The following CYP4F2 variants were observed in gnomAD, a reference collection of about 807,000 sequenced individuals.
CYP4F2 encodes cytochrome P450 family 4 subfamily F member 2, also known as cytochrome P450 4F2.
A neutral mutation model predicts 58.9 loss-of-function variants in CYP4F2; 58 were observed. That is an observed-to-expected ratio of 0.98 (90% CI 0.80 to 1.23). The LOEUF (loss-of-function observed/expected upper bound fraction) is 1.23. CYP4F2 is among the 50% of genes most tolerant of loss of function. The pLI, the probability that CYP4F2 is intolerant of heterozygous loss-of-function variation, is 0.00. For missense variants in CYP4F2, 616 were observed against 685.6 expected, an observed-to-expected ratio of 0.90 and a Z score of 1.13; for synonymous variants, 287 against 261.1, an observed-to-expected ratio of 1.10 and a Z score of -0.95.
At position 15,889,517 on chromosome 19, in the gene CYP4F2, C is replaced by T. The variant is rs764645682; in HGVS notation, c.824G>A (p.Arg275His). ...AACACCCTGGCTAGGGAGAGTGCGGCGCCGCTCCTGGATGACGGCATCTGT... is the reference window on the plus strand; with the variant it reads ...AACACCCTGGCTAGGGAGAGTGCGGTGCCGCTCCTGGATGACGGCATCTGT... Reference protein sequence around the residue: ...DFTDAVIQERRRTLPSQGVDD... With the variant: ...DFTDAVIQERHRTLPSQGVDD... The change falls in exon 7 of 13, where the codon CGC becomes CAC. Residue 275 changes from arginine to histidine, a missense_variant. By Grantham distance (29) the Arg-to-His change is conservative. Transcript: ENST00000221700. 1.4e-5 allele frequency: 22 copies of T among 1,614,080 alleles called. No individual in the cohort carries two copies. The highest frequency in any genetic ancestry group is 4.4e-5 in the South Asian group (4 of 91,090).
rs147970694 is a variant in CYP4F2, at chr19:15,896,830, G to A, written c.198+584C>T. 4.5e-3 allele frequency among the ~76,000 whole-genome samples: 683 copies of A among 152,332 alleles called. 5 individuals carry two copies. Among genetic ancestry groups the A allele is most frequent in the African/African-American group, 0.016 (646 of 41,580 alleles). Reference sequence around the variant, plus strand: ...AAGAGGAGAGCGGTCTAAGTCAGAGGGCAAGGTCACGGGGAGGAGAAAGGC... The same window carrying A: ...AAGAGGAGAGCGGTCTAAGTCAGAGAGCAAGGTCACGGGGAGGAGAAAGGC... On this transcript the variant is annotated intron_variant, in intron 2 of 12. Transcript: ENST00000221700.
intron 2 of CYP4F2, among the ~76,000 whole-genome samples, chr19:15,896,069 T>TATCC (rs746020026): frequency 0.19 from 27,258 of 142,234 alleles, 2,608 homozygotes; most frequent in Middle Eastern, 0.33. Context: ...TCTATCTATC[T>TATCC]ATCCATCCAT....
Position 15,897,439 on chromosome 19 carries a change from T to A in CYP4F2, c.173A>T (p.Asn58Ile), listed in dbSNP as rs778332695. The A allele has an allele frequency of 1.4e-5, 23 of 1,613,336 alleles. No homozygotes were observed. The highest frequency in any genetic ancestry group is 3.3e-5 in the Admixed American group (2 of 59,946). ...LRCFPQPPRR[N>I]WFWGHQGMVN... ...CATGCCCTGGTGTCCCCAAAACCAG[T>A]TCCGTCTTGGGGGTTGTGGGAAACA... Residue 58 changes from asparagine to isoleucine, a missense_variant, in exon 2 of 13, where the codon AAC becomes ATC. Coordinates refer to ENST00000221700, the MANE Select transcript of CYP4F2 (RefSeq NM_001082.5).
intron 5 of CYP4F2, among the ~76,000 whole-genome samples, chr19:15,891,217 A>G (rs747080471): frequency 1.3e-5 from 2 of 152,158 alleles, no homozygotes; most frequent in African/African-American, 4.8e-5. Flanking sequence ...ATAAAAGCAG[A>G]TTCCCTAAGC....
At chr19:15,883,214 C>T (rs887033423) in intron 9 of CYP4F2, among the ~76,000 whole-genome samples, 3 of 152,126 alleles carry the variant, frequency 2.0e-5, no homozygotes, top group Admixed American at 2.0e-4. Context: ...TCAAATTACT[C>T]ATCTGACAAG....
intron 3 of CYP4F2, among the ~76,000 whole-genome samples, chr19:15,893,376 C>G: frequency 6.6e-6 from 1 of 152,226 alleles, no homozygotes; most frequent in Non-Finnish European, 1.5e-5. Flanking sequence ...GAGACAAGAA[C>G]CAAACAGGCC....
intron 5 of CYP4F2, 113 bp downstream of exon 5, chr19:15,892,196 G>A (rs2089419895): frequency 6.6e-7 from 1 of 1,517,016 alleles, no homozygotes; most frequent in Non-Finnish European, 8.9e-7. Context: ...AAGGCTCAGT[G>A]AGAAAGAGCA....
intron 9 of CYP4F2, among the ~76,000 whole-genome samples, chr19:15,880,351 G>T (rs2089336166): frequency 6.6e-6 from 1 of 152,156 alleles, no homozygotes; most frequent in African/African-American, 2.4e-5. Context: ...AATTTTGGCT[G>T]GGCGTGGTGG....
intron 2 of CYP4F2, 83 bp downstream of exon 2, chr19:15,897,331 C>A: frequency 7.8e-7 from 1 of 1,281,136 alleles, no homozygotes; most frequent in Non-Finnish European, 1.1e-6. Context: ...CAGCCCACCC[C>A]TTCACCCCCA....
chr19:15,890,428 C>A lies in CYP4F2; in HGVS notation c.531G>T (p.Lys177Asn), dbSNP rs756495317. Residue 177 changes from lysine to asparagine, a missense_variant, in exon 6 of 13, where the codon AAG becomes AAT. Lys to Asn is a moderately conservative substitution (Grantham distance 94). Transcript: ENST00000221700. ...FNESVNIMHA[K>N]WQLLASEGSA... ...TACCCTCTGAGGCCAGGAGCTGCCACTTGGCCTAGCCAGAGAAGGGGACAG... is the reference window on the plus strand; with the variant it reads ...TACCCTCTGAGGCCAGGAGCTGCCAATTGGCCTAGCCAGAGAAGGGGACAG... 1 of 1,614,068 alleles carries A rather than the reference C, an allele frequency of 6.2e-7. No homozygotes were observed. Among genetic ancestry groups the A allele is most frequent in the Admixed American group, 1.7e-5 (1 of 60,024 alleles).
In CYP4F2 at chr19:15,892,455, G is replaced by T; in HGVS notation, c.398-19C>A. The T allele has an allele frequency of 1.2e-6, 2 of 1,614,134 alleles. No homozygotes were observed. The highest frequency in any genetic ancestry group is 1.3e-5 in the African/African-American group (1 of 75,048). On this transcript the variant is annotated intron_variant, in intron 4 of 12. Transcript: ENST00000221700. ...CCATCCCCTAGCAGGGCAGCCAAGG[G>T]CCATGGGCAAGGACCTCTCCCTCCC...
At chr19:15,884,514 A>G (rs1355149462) in intron 9 of CYP4F2, among the ~76,000 whole-genome samples, 1 of 152,206 alleles carries the variant, frequency 6.6e-6, no homozygotes, top group Non-Finnish European at 1.5e-5. Context: ...AAGACTAAAT[A>G]TTTCAGGCGA....
rs551600178 is a variant in CYP4F2 at position 15,884,853 on chromosome 19, G to A, written c.1115+1071C>T. 3.3e-5 allele frequency among the ~76,000 whole-genome samples: 5 copies of A among 151,958 alleles called. No homozygotes were observed. The South Asian group carries it at 6.3e-4, about 19-fold the overall frequency. ...TTCTACAGCTGGTCCTCTCCAGTAC[G>A]CCCTCCACACTAGCCCTAGAAAGAT... On this transcript the variant is annotated intron_variant, in intron 9 of 12. Transcript: ENST00000221700.
chr19:15,896,766 T>C (rs1313173058), intron 2 of CYP4F2, among the ~76,000 whole-genome samples: 3 of 152,160 alleles, frequency 2.0e-5, no homozygotes, highest in Admixed American at 1.3e-4. Flanking sequence ...CCATCAATCC[T>C]GCCATTTGCA....
rs554297842 is a variant in CYP4F2, at chr19:15,886,587, T to C, written c.919-279A>G. 101 of 419,056 alleles carry C rather than the reference T, an allele frequency of 2.4e-4. 1 individual carries two copies. The South Asian group carries it at 5.4e-3, about 22-fold the overall frequency. 26.0% of individuals were successfully genotyped at this position (419,056 alleles called of 1,614,324 possible). A position where few individuals can be genotyped will look rare whatever the true frequency, so the allele number is the denominator to read the frequency against. ...TGAAAAGTTTCTGAGAAAAAGTTACTGGCAACCTGAGTTACAGGAGAATTA... is the reference window on the plus strand; with the variant it reads ...TGAAAAGTTTCTGAGAAAAAGTTACCGGCAACCTGAGTTACAGGAGAATTA... On this transcript the variant is annotated intron_variant, in intron 7 of 12. Coordinates refer to ENST00000221700, the MANE Select transcript of CYP4F2 (RefSeq NM_001082.5).
intron 5 of CYP4F2, 103 bp from the exon 6 acceptor site, chr19:15,890,536 C>A: frequency 6.5e-7 from 1 of 1,527,798 alleles, no homozygotes; most frequent in Non-Finnish European, 8.8e-7. Context: ...GCCTCTTCAT[C>A]TTCTCCCCAG....
rs3093152 is a variant in CYP4F2, at chr19:15,890,666, GCT to G, written c.526-235_526-234del. ...TTCAAGTTCCAGCTCTGTCCCCTGTGCTCTGTGTGCCATTAGTCAACTCATTA... is the reference window on the plus strand; with the variant it reads ...TTCAAGTTCCAGCTCTGTCCCCTGTGCTGTGTGCCATTAGTCAACTCATTA... On this transcript the variant is annotated intron_variant, in intron 5 of 12. Transcript: ENST00000221700. 3.3e-3 allele frequency among the ~76,000 whole-genome samples: 500 copies of G among 152,300 alleles called. 3 individuals are homozygous for G. Among genetic ancestry groups the G allele is most frequent in the African/African-American group, 0.011 (472 of 41,566 alleles).
In CYP4F2 at chr19:15,886,271, C is replaced by T. The variant is rs144811674; in HGVS notation, c.956G>A (p.Arg319Lys). The stretch of plus-strand genomic sequence containing the variant: ...AAACATAAAGGTGTCAGCTTCTGCT[C>T]TTATGTCCTCATCAGATAACTTCTT... ...DGKKLSDEDI[R>K]AEADTFMFEG... Residue 319 changes from arginine (R) to lysine (K), a missense_variant, in exon 8 of 13, where the codon AGA becomes AAA. Physicochemically the swap from Arg to Lys is conservative, Grantham distance 26 (BLOSUM62 2). Transcript: ENST00000221700. 118 of 1,614,078 alleles carry T rather than the reference C, an allele frequency of 7.3e-5. No individual in the cohort carries two copies. Among genetic ancestry groups the T allele is most frequent in the South Asian group, 4.0e-4 (36 of 91,072 alleles).
At chr19:15,887,658 A>G (rs1433553908) in intron 7 of CYP4F2, among the ~76,000 whole-genome samples, 8 of 151,846 alleles carry the variant, frequency 5.3e-5, no homozygotes, top group Admixed American at 5.2e-4. Context: ...GGACACACAA[A>G]TACACATAAA....
Sources: allele counts gnomAD v4.1 joint callset (sites outside exome capture counted in the v4.1 genomes callset), GRCh38; gene constraint gnomAD v4.1.1; transcripts MANE v1.5; gene names NCBI Gene and HGNC (gene_info 2026-07-23, HGNC 2026-07-21).